The following MOV10L1 variants were observed in gnomAD, a reference collection of about 807,000 sequenced individuals.
MOV10L1 encodes RNA helicase Mov10l1.
MOV10L1 carries 110 observed loss-of-function variants against 143.8 expected under a neutral mutation model. The observed-to-expected ratio is 0.76, with a 90% CI of 0.66 to 0.90. The LOEUF (loss-of-function observed/expected upper bound fraction) is 0.90, where lower values mean the gene tolerates loss of function less well. Among genes scored for constraint, MOV10L1 ranks in the 40% least tolerant of loss-of-function variants. The pLI is 0.00. For synonymous variants in MOV10L1, 593 were observed against 581.1 expected, an observed-to-expected ratio of 1.02 and a Z score of -0.29; for missense variants, 1,406 against 1,526.8, an observed-to-expected ratio of 0.92 and a Z score of 1.32.
At chr22:50,129,095 C>G (rs2062599448) in intron 13 of MOV10L1, among the ~76,000 whole-genome samples, 1 of 152,102 alleles carries the variant, frequency 6.6e-6, no homozygotes, top group Non-Finnish European at 1.5e-5. Context: ...GAAGTGGGCT[C>G]CTACAGCATT....
intron 26 of MOV10L1, 75 bp downstream of exon 26, chr22:50,161,130 C>T (rs1602385713): frequency 1.7e-5 from 24 of 1,446,102 alleles, no homozygotes; most frequent in Non-Finnish European, 2.3e-5. Flanking sequence ...CCCTGCTCCC[C>T]TCACCCCCAT....
intron 13 of MOV10L1, among the ~76,000 whole-genome samples, chr22:50,130,922 A>G (rs1349615793): frequency 6.6e-6 from 1 of 151,934 alleles, no homozygotes; most frequent in African/African-American, 2.4e-5. Flanking sequence ...TTTGAGACGG[A>G]GTCTCGTTCT....
chr22:50,097,695 C>A, intron 2 of MOV10L1, among the ~76,000 whole-genome samples: 1 of 152,150 alleles, frequency 6.6e-6, no homozygotes, highest in East Asian at 1.9e-4. Flanking sequence ...ATGAAACCTT[C>A]AATTTTGTTA....
intron 12 of MOV10L1, 134 bp from the exon 13 acceptor site, chr22:50,128,282 T>C: frequency 1.6e-6 from 1 of 609,492 alleles, no homozygotes; most frequent in Non-Finnish European, 3.0e-6. Flanking sequence ...CGTAATGATT[T>C]AATCCTTTTC....
At chr22:50,091,445 C>T (rs186161365) in intron 1 of MOV10L1, 2 of 162,914 alleles carry the variant, frequency 1.2e-5, no homozygotes, top group African/African-American at 4.8e-5. Context: ...CTCCAGTCTT[C>T]CGAGGCTGCT....
At chr22:50,154,009 G>A (rs1458086471) in intron 22 of MOV10L1, among the ~76,000 whole-genome samples, 1 of 152,224 alleles carries the variant, frequency 6.6e-6, no homozygotes, top group Non-Finnish European at 1.5e-5. Context: ...ACCCAGCAGT[G>A]GCCCCCAGTT....
At chr22:50,140,476 T>G (rs2062949829) in intron 15 of MOV10L1, among the ~76,000 whole-genome samples, 1 of 152,174 alleles carries the variant, frequency 6.6e-6, no homozygotes, top group Non-Finnish European at 1.5e-5. Flanking sequence ...GTCCAATCTT[T>G]TGGCTTCCCT....
At chr22:50,140,195 G>A (rs1438644632) in intron 15 of MOV10L1, among the ~76,000 whole-genome samples, 1 of 152,208 alleles carries the variant, frequency 6.6e-6, no homozygotes, top group Admixed American at 6.5e-5. Flanking sequence ...GCTCTCCAAT[G>A]AATCACACTG....
At position 50,141,620 on chromosome 22, in the gene MOV10L1, G is replaced by A. The variant is rs76919224; in HGVS notation, c.2071-461G>A. Among the ~76,000 whole-genome samples the A allele has an allele frequency of 7.8e-3, 1,188 of 151,962 alleles. 19 individuals are homozygous for A. Among genetic ancestry groups the A allele is most frequent in the African/African-American group, 0.027 (1,139 of 41,450 alleles). On this transcript the variant is annotated intron_variant, in intron 15 of 26. Transcript: ENST00000262794. Reference sequence around the variant, plus strand: ...CTCCCACAGTGGTGGGATGATAAGCGTGAGCCCCGTGCCCGGCCTGGTGCA... The same window carrying A: ...CTCCCACAGTGGTGGGATGATAAGCATGAGCCCCGTGCCCGGCCTGGTGCA...
intron 13 of MOV10L1, among the ~76,000 whole-genome samples, chr22:50,130,417 A>C (rs909694): frequency 0.044 from 6,683 of 152,232 alleles, 252 homozygotes; most frequent in African/African-American, 0.094. Context: ...TATTTGGGCT[A>C]CAGCCAGATT....
intron 1 of MOV10L1, among the ~76,000 whole-genome samples, chr22:50,091,732 A>G (rs776691172): frequency 6.6e-6 from 1 of 152,116 alleles, no homozygotes; most frequent in Non-Finnish European, 1.5e-5. Context: ...AGTCAACCCC[A>G]TGCAGTCTGT....
At chr22:50,155,825 C>T (rs541605640) in intron 22 of MOV10L1, among the ~76,000 whole-genome samples, 3 of 152,146 alleles carry the variant, frequency 2.0e-5, no homozygotes, top group Non-Finnish European at 4.4e-5. Flanking sequence ...CCAAGGCAGG[C>T]AGATTGCTTG....
At position 50,159,548 on chromosome 22, in the gene MOV10L1, G is replaced by C; in HGVS notation, c.3217-130G>C. 1 of 509,000 alleles carries C rather than the reference G, an allele frequency of 2.0e-6. No individual in the cohort carries two copies. The highest frequency in any genetic ancestry group is 3.4e-6 in the Non-Finnish European group (1 of 291,700). 31.5% of individuals were successfully genotyped at this position (509,000 alleles called of 1,614,324 possible). On this transcript the variant is annotated intron_variant, in intron 23 of 26. Coordinates refer to ENST00000262794, the MANE Select transcript of MOV10L1 (RefSeq NM_018995.3). This position sits in a 1 kb window ranked among gnomAD's most constrained non-coding sequence, Gnocchi z 4.1. Reference sequence around the variant, plus strand: ...ACCCGGGAGGCAGAGGTTGCAGTGAGCCGAGATCACGCCACTGCACTGCAG... The same window carrying C: ...ACCCGGGAGGCAGAGGTTGCAGTGACCCGAGATCACGCCACTGCACTGCAG...
In MOV10L1 at chr22:50,158,110, C is replaced by T. The variant is rs373904875; in HGVS notation, c.3120C>T (p.Ala1040=). The T allele has an allele frequency of 1.3e-4, 209 of 1,614,176 alleles. 2 individuals are homozygous for T. In the South Asian group the frequency reaches 2.0e-3, roughly 16 times the overall value. The change falls in exon 23 of 27, where the codon GCC becomes GCT. Residue 1040 remains alanine, a synonymous_variant. Coordinates refer to ENST00000262794, the MANE Select transcript of MOV10L1 (RefSeq NM_018995.3). The surrounding 1 kb of genome is among the most constrained non-coding windows in gnomAD (Gnocchi z 5.0). ...CATCGTGGTTCAACCCGGCCGAGGC[C>T]GTCCAGGTCCTGCGCTACTGCTGCC... ...KSPSWFNPAE[A]VQVLRYCCLL...
At chr22:50,104,492 C>T (rs572639063) in intron 3 of MOV10L1, among the ~76,000 whole-genome samples, 109 of 152,296 alleles carry the variant, frequency 7.2e-4, no homozygotes, top group African/African-American at 2.5e-3. Context: ...GGAGCTACAG[C>T]CAGGATGACC....
At chr22:50,150,678 G>A (rs1009600065) in intron 20 of MOV10L1, 57 bp from the exon 21 acceptor site, 70 of 1,585,630 alleles carry the variant, frequency 4.4e-5, no homozygotes, top group Middle Eastern at 4.0e-4. Flanking sequence ...ACCTGAGCCC[G>A]TAGGAGTGGC....
chr22:50,099,369 A>C, intron 2 of MOV10L1, 74 bp from the exon 3 acceptor site: 2 of 1,534,192 alleles, frequency 1.3e-6, no homozygotes, highest in South Asian at 2.4e-5. Flanking sequence ...GGTCTCAGAC[A>C]GGCATGCCAG....
chr22:50,155,769 C>A (rs2063411248), intron 22 of MOV10L1, among the ~76,000 whole-genome samples: 1 of 152,110 alleles, frequency 6.6e-6, no homozygotes, highest in Admixed American at 6.6e-5. Flanking sequence ...CCACCGCACC[C>A]CGCCTGGTGG....
At chr22:50,141,212 A>G (rs2062975274) in intron 15 of MOV10L1, among the ~76,000 whole-genome samples, 1 of 151,894 alleles carries the variant, frequency 6.6e-6, no homozygotes, top group African/African-American at 2.4e-5. Context: ...TAATTTTTGT[A>G]TTTTTAGTAA....
Sources: gnomAD v4.1 joint callset for allele counts (sites outside exome capture counted in the v4.1 genomes callset) on GRCh38, gnomAD v4.1.1 for gene constraint, Gnocchi (gnomAD v3.1) non-coding constraint, MANE v1.5 for transcripts, NCBI Gene and HGNC (gene_info 2026-07-23, HGNC 2026-07-21) for gene names.